FAM76A: variants seen among roughly 807,000 people sequenced by gnomAD.
FAM76A encodes the protein family with sequence similarity 76 member A, also known as protein FAM76A.
Under a neutral mutation model 46.2 loss-of-function variants are expected in FAM76A, and 32 were observed. That is an observed-to-expected ratio of 0.69 (90% CI 0.52 to 0.93). The LOEUF (loss-of-function observed/expected upper bound fraction) is 0.93, where lower values mean the gene tolerates loss of function less well. Among genes scored for constraint, FAM76A ranks in the 40% least tolerant of loss-of-function variants. The pLI is 0.00. For missense variants in FAM76A, 274 were observed against 361.5 expected, an observed-to-expected ratio of 0.76 and a Z score of 1.96; for synonymous variants, 137 against 127.0, an observed-to-expected ratio of 1.08 and a Z score of -0.53.
At chr1:27,744,286 G>C (rs978611299) in intron 4 of FAM76A, among the ~76,000 whole-genome samples, 5 of 152,040 alleles carry the variant, frequency 3.3e-5, no homozygotes, top group Non-Finnish European at 7.4e-5. Context: ...ACGACACTAT[G>C]CCTGGCTAAT....
chr1:27,753,066 G>A (rs910149646), intron 6 of FAM76A, among the ~76,000 whole-genome samples: 3 of 152,170 alleles, frequency 2.0e-5, no homozygotes, highest in Admixed American at 6.5e-5. Context: ...AGGCTAAGGC[G>A]GGAGAATCAC....
Position 27,749,049 on chromosome 1 carries a change from CTAT to C in FAM76A, c.513-17_513-15del. 6.6e-7 allele frequency: 1 copy of C among 1,522,504 alleles called. No individual in the cohort carries two copies. Among genetic ancestry groups the C allele is most frequent in the Non-Finnish European group, 9.0e-7 (1 of 1,115,832 alleles). 94.3% of individuals were successfully genotyped at this position (1,522,504 alleles called of 1,614,324 possible). A position where few individuals can be genotyped will look rare whatever the true frequency, so the allele number is the denominator to read the frequency against. ...TCTTTGATTTCTAATGTGTGTCTCT[CTAT>C]TTTTGCCATTAAAAGCCAGAAAACA... On this transcript the variant is annotated splice_polypyrimidine_tract_variant and intron_variant, in intron 5 of 8. Coordinates refer to ENST00000373954, the MANE Select transcript of FAM76A (RefSeq NM_152660.3).
intron 4 of FAM76A, chr1:27,740,321 G>A: frequency 2.2e-6 from 2 of 889,118 alleles, no homozygotes; most frequent in Non-Finnish European, 3.8e-6. Flanking sequence ...CTACAGTTGA[G>A]TATTTGGCAC....
chr1:27,734,399 T>C (rs1250406989), intron 4 of FAM76A, among the ~76,000 whole-genome samples: 4 of 151,574 alleles, frequency 2.6e-5, no homozygotes, highest in African/African-American at 9.7e-5. Flanking sequence ...TACAAAAAAT[T>C]AGCCAGGCGT....
At chr1:27,735,033 C>T (rs866144928) in intron 4 of FAM76A, among the ~76,000 whole-genome samples, 2 of 152,230 alleles carry the variant, frequency 1.3e-5, no homozygotes, top group Admixed American at 1.3e-4. Context: ...CTGCAAGGCC[C>T]ATGCGCAGCT....
chr1:27,734,127 T>C lies in FAM76A; in HGVS notation c.298T>C (p.Ser100Pro). The C allele has an allele frequency of 6.2e-7, 1 of 1,612,866 alleles. No homozygotes were observed. The highest frequency in any genetic ancestry group is 8.5e-7 in the Non-Finnish European group (1 of 1,179,768). ...AGAAAAGAAGTATGGACCACCCTAT[T>C]CTTGTGAACAGTGCAAGCAGCAGTG... is the stretch of plus-strand genomic sequence containing the variant. ...NSEKKYGPPYSCEQCKQQCAF... is the reference protein window; with the variant it reads ...NSEKKYGPPYPCEQCKQQCAF... Residue 100 changes from serine (S) to proline (P), a missense_variant, in exon 4 of 9, where the codon TCT becomes CCT. Ser to Pro is a moderately conservative substitution (Grantham distance 74). Coordinates refer to ENST00000373954, the MANE Select transcript of FAM76A (RefSeq NM_152660.3).
At chr1:27,736,321 C>CA (rs1465053886) in intron 4 of FAM76A, among the ~76,000 whole-genome samples, 3 of 151,526 alleles carry the variant, frequency 2.0e-5, no homozygotes, top group South Asian at 2.1e-4. Flanking sequence ...GACTTCATCT[C>CA]AAAAAAAAGG....
intron 4 of FAM76A, among the ~76,000 whole-genome samples, chr1:27,740,980 C>T (rs955415016): frequency 8.6e-5 from 13 of 151,744 alleles, no homozygotes; most frequent in African/African-American, 2.7e-4. Context: ...CAAAATTAGC[C>T]GGGCGTGGTG....
chr1:27,749,089 T>C lies in FAM76A; in HGVS notation c.534T>C (p.Ser178=). 6.2e-7 allele frequency: 1 copy of C among 1,604,806 alleles called. No individual in the cohort carries two copies. The highest frequency in any genetic ancestry group is 8.5e-7 in the Non-Finnish European group (1 of 1,177,794). The change falls in exon 6 of 9, where the codon TCT becomes TCC. Residue 178 remains serine, a synonymous_variant. Transcript: ENST00000373954. Reference sequence around the variant, plus strand: ...AAAGCCAGAAAACACTTTCTACATCTTCAATTCAAAATGAAATCCCAAAGA... The same window carrying C: ...AAAGCCAGAAAACACTTTCTACATCCTCAATTCAAAATGAAATCCCAAAGA... ...HYNSQKTLST[S]SIQNEIPKKK...
Position 27,727,517 on chromosome 1 carries a change from A to G in FAM76A, c.127A>G (p.Thr43Ala). The part of the protein sequence containing the change: ...HPVVKCTYCR[T>A]EYQQESKTNT... ...TGTTGTGAAGTGCACCTACTGCAGG[A>G]CTGAGTACCAGCAGGAGAGGTAGAG... The change falls in exon 2 of 9, where the codon ACT (threonine) becomes GCT (alanine). Residue 43 changes from threonine (T) to alanine (A), a missense_variant. Physicochemically the swap from Thr to Ala is moderately conservative, Grantham distance 58. Coordinates refer to ENST00000373954, the MANE Select transcript of FAM76A (RefSeq NM_152660.3). The G allele has an allele frequency of 6.2e-7, 1 of 1,613,554 alleles. No homozygotes were observed. The highest frequency in any genetic ancestry group is 8.5e-7 in the Non-Finnish European group (1 of 1,179,480).
chr1:27,759,601 C>T lies in FAM76A; in HGVS notation c.811C>T (p.His271Tyr), dbSNP rs2088469173. Residue 271 changes from histidine to tyrosine, a missense_variant, in exon 8 of 9, where the codon CAC (histidine) becomes TAC (tyrosine). His to Tyr is a moderately conservative substitution (Grantham distance 83). Coordinates refer to ENST00000373954, the MANE Select transcript of FAM76A (RefSeq NM_152660.3). Reference protein sequence around the residue: ...RAKMNQMEKTHKEVTEQLQAK... With the variant: ...RAKMNQMEKTYKEVTEQLQAK... The stretch of plus-strand genomic sequence containing the variant: ...CAAAATGAACCAGATGGAGAAAACC[C>T]ACAAAGAAGTCACAGAACAACTGCA... The T allele has an allele frequency of 6.2e-7, 1 of 1,613,380 alleles. No individual in the cohort carries two copies. Among genetic ancestry groups the T allele is most frequent in the Non-Finnish European group, 8.5e-7 (1 of 1,179,728 alleles).
At chr1:27,735,482 G>T (rs1298783921) in intron 4 of FAM76A, among the ~76,000 whole-genome samples, 2 of 152,154 alleles carry the variant, frequency 1.3e-5, no homozygotes, top group Non-Finnish European at 2.9e-5. Context: ...GTGGCCAGAG[G>T]TGCTTTTAAG....
chr1:27,740,685 G>A (rs2088136363), intron 4 of FAM76A: 1 of 496,014 alleles, frequency 2.0e-6, no homozygotes, highest in African/African-American at 2.0e-5. Context: ...CCAGAAAACA[G>A]GAATATTGAC....
chr1:27,735,178 C>T (rs1281993983), intron 4 of FAM76A, among the ~76,000 whole-genome samples: 1 of 152,232 alleles, frequency 6.6e-6, no homozygotes, highest in Non-Finnish European at 1.5e-5. Flanking sequence ...GCATCCTTCT[C>T]TAGAGTCTCA....
intron 2 of FAM76A, among the ~76,000 whole-genome samples, chr1:27,731,914 C>T (rs969559511): frequency 1.3e-5 from 2 of 152,068 alleles, no homozygotes; most frequent in Non-Finnish European, 2.9e-5. Flanking sequence ...CTCCGCCTCC[C>T]GGGTTCAAGT....
chr1:27,757,282 T>TC (rs2088426628), intron 7 of FAM76A, among the ~76,000 whole-genome samples: 1 of 137,620 alleles, frequency 7.3e-6, no homozygotes, highest in South Asian at 2.6e-4. Flanking sequence ...AACCTCTGAC[T>TC]CCTGGGTTTA....
At chr1:27,751,869 T>C (rs1290943174) in intron 6 of FAM76A, among the ~76,000 whole-genome samples, 1 of 151,620 alleles carries the variant, frequency 6.6e-6, no homozygotes, top group Non-Finnish European at 1.5e-5. Flanking sequence ...AGTGGCGCAA[T>C]TATGGCTCAC....
rs577616027 is a variant in FAM76A, at chr1:27,759,135, T to G, written c.736-391T>G. On this transcript the variant is annotated intron_variant, in intron 7 of 8. Coordinates refer to ENST00000373954, the MANE Select transcript of FAM76A (RefSeq NM_152660.3). ...AAATCTAGCTCTGCCCCTTGCTAAC[T>G]CTGTATATGATCTTGGCCACATTCC... is the stretch of plus-strand genomic sequence containing the variant. 2.0e-5 allele frequency among the ~76,000 whole-genome samples: 3 copies of G among 152,278 alleles called. No homozygotes were observed. In the South Asian group the frequency reaches 6.2e-4, roughly 32 times the overall value.
chr1:27,741,370 G>A (rs114862996), intron 4 of FAM76A, among the ~76,000 whole-genome samples: 3,320 of 151,632 alleles, frequency 0.022, 44 homozygotes, highest in Non-Finnish European at 0.034. Flanking sequence ...ACTTTTTGTC[G>A]AGACAAGGTT....
Sources: gnomAD v4.1 joint callset for allele counts (sites outside exome capture counted in the v4.1 genomes callset) on GRCh38, gnomAD v4.1.1 for gene constraint, MANE v1.5 for transcripts, NCBI Gene and HGNC (gene_info 2026-07-23, HGNC 2026-07-21) for gene names.